CIROZ: variants seen among roughly 807,000 people sequenced by gnomAD.
CIROZ encodes ciliated left-right organizer protein containing ZP-N domains.
chr1:10,976,092 T>C, the CIROZ span: 2 of 1,393,722 alleles, frequency 1.4e-6, no homozygotes, highest in Non-Finnish European at 2.0e-6. Flanking sequence ...AGGTTGGTTC[T>C]CAGTCTGCTC....
At chr1:10,970,730 T>G in the CIROZ span, among the ~76,000 whole-genome samples, 6 of 152,110 alleles carry the variant, frequency 3.9e-5, no homozygotes, top group Admixed American at 3.3e-4. Context: ...TTCTACCAAG[T>G]TCCCAAGTGA....
At chr1:10,968,181 T>C in the CIROZ span, among the ~76,000 whole-genome samples, 1 of 152,066 alleles carries the variant, frequency 6.6e-6, no homozygotes, top group Admixed American at 6.6e-5. Context: ...AATAAGTAGT[T>C]GTTGAATGAG....
the CIROZ span, among the ~76,000 whole-genome samples, chr1:10,952,100 A>G: frequency 1.3e-5 from 2 of 152,186 alleles, no homozygotes; most frequent in African/African-American, 4.8e-5. Context: ...CCTGTCAAGA[A>G]TAAGAAGCCG....
chr1:10,946,725 C>T, the CIROZ span: 1 of 152,264 alleles, frequency 6.6e-6, no homozygotes, highest in African/African-American at 2.4e-5. Flanking sequence ...CTGTCCAAGC[C>T]AGCGGGGTAC....
At chr1:10,948,221 C>G in the CIROZ span, 1 of 1,613,964 alleles carries the variant, frequency 6.2e-7, no homozygotes, top group Non-Finnish European at 8.5e-7. Flanking sequence ...CCATGTGCCC[C>G]CTGGCCCCCT....
At chr1:10,951,967 T>G in the CIROZ span, among the ~76,000 whole-genome samples, 2 of 151,988 alleles carry the variant, frequency 1.3e-5, no homozygotes, top group Non-Finnish European at 2.9e-5. Context: ...TTCCAACACA[T>G]TAGTCACATA....
the CIROZ span, chr1:10,948,590 G>A: frequency 7.5e-5 from 121 of 1,614,060 alleles, no homozygotes; most frequent in Non-Finnish European, 1.3e-5. Flanking sequence ...AAGGAGAGGA[G>A]GCATCTGAGG....
the CIROZ span, among the ~76,000 whole-genome samples, chr1:10,952,810 C>T: frequency 1.3e-3 from 205 of 152,346 alleles, 2 homozygotes; most frequent in African/African-American, 4.8e-3. Flanking sequence ...CCGCGTCTGG[C>T]CTTTCTGTGG....
chr1:10,947,735 G>A, the CIROZ span: 1 of 1,574,064 alleles, frequency 6.4e-7, no homozygotes, highest in Admixed American at 1.8e-5. Flanking sequence ...TTTCAGCACT[G>A]AGGGCCAAGG....
At chr1:10,976,787 G>A in the CIROZ span, among the ~76,000 whole-genome samples, 4 of 151,914 alleles carry the variant, frequency 2.6e-5, no homozygotes, top group Non-Finnish European at 5.9e-5. Flanking sequence ...ATGAAACAGA[G>A]TGGTGAGATA....
At chr1:10,975,324 T>G in the CIROZ span, among the ~76,000 whole-genome samples, 1 of 148,526 alleles carries the variant, frequency 6.7e-6, no homozygotes, top group Non-Finnish European at 1.5e-5. Context: ...GAGAATCGCT[T>G]CAACCCGGGA....
chr1:10,980,393 T>A, the CIROZ span, among the ~76,000 whole-genome samples: 2 of 152,232 alleles, frequency 1.3e-5, no homozygotes, highest in Non-Finnish European at 2.9e-5. Flanking sequence ...GACGGCCGGG[T>A]ACCCGCCCTG....
the CIROZ span, chr1:10,948,227 C>A: frequency 5.0e-6 from 8 of 1,613,828 alleles, no homozygotes; most frequent in Admixed American, 6.7e-5. Flanking sequence ...GCCCCCTGGC[C>A]CCCTCCCTGG....
chr1:10,967,221 G>A, the CIROZ span, among the ~76,000 whole-genome samples: 2 of 146,678 alleles, frequency 1.4e-5, no homozygotes, highest in Non-Finnish European at 3.0e-5. Flanking sequence ...CACGTGACCT[G>A]CCCTCACTTC....
At chr1:10,954,824 C>T in the CIROZ span, among the ~76,000 whole-genome samples, 1 of 152,142 alleles carries the variant, frequency 6.6e-6, no homozygotes, top group African/African-American at 2.4e-5. Context: ...AACTCCCAGG[C>T]TCAAGTGACG....
the CIROZ span, among the ~76,000 whole-genome samples, chr1:10,980,632 A>C: frequency 6.6e-6 from 1 of 152,048 alleles, no homozygotes; most frequent in African/African-American, 2.4e-5. Flanking sequence ...AGGGACCCCG[A>C]CTCTGCTGTT....
chr1:10,948,249 C>G, the CIROZ span: 1 of 1,613,948 alleles, frequency 6.2e-7, no homozygotes, highest in Non-Finnish European at 8.5e-7. Flanking sequence ...GAGACCAGGC[C>G]CTGTCTGGCG....
chr1:10,973,447 A>G, the CIROZ span, among the ~76,000 whole-genome samples: 10 of 152,200 alleles, frequency 6.6e-5, no homozygotes, highest in Non-Finnish European at 1.0e-4. Context: ...TGGCTATGCA[A>G]CTGACCTCCA....
At chr1:10,969,320 GA>G in the CIROZ span, among the ~76,000 whole-genome samples, 15 of 152,154 alleles carry the variant, frequency 9.9e-5, no homozygotes, top group Admixed American at 1.3e-4. Context: ...GAAGGTTCCA[GA>G]AGGTTCCAGG....
Sources: gnomAD v4.1 joint callset for allele counts (sites outside exome capture counted in the v4.1 genomes callset) on GRCh38, gnomAD v4.1.1 for gene constraint, MANE v1.5 for transcripts, NCBI Gene and HGNC (gene_info 2026-07-23, HGNC 2026-07-21) for gene names.